The following PIGG variants were observed in gnomAD, a reference collection of about 807,000 sequenced individuals.
The protein encoded by PIGG is GPI ethanolamine phosphate transferase 2, catalytic subunit.
Under a neutral mutation model 83.2 loss-of-function variants are expected in PIGG, and 70 were observed. That is an observed-to-expected ratio of 0.84 (90% CI 0.69 to 1.03). The LOEUF (loss-of-function observed/expected upper bound fraction) is 1.03, where lower values mean the gene tolerates loss of function less well. Ranked by LOEUF, PIGG falls within the 50% of genes least tolerant of loss-of-function variation. The pLI is 0.00. For missense variants in PIGG, 1,257 were observed against 1,233.6 expected (o/e 1.02, Z -0.28); for synonymous variants, 532 against 519.5 (o/e 1.02, Z -0.33).
chr4:523,707 G>C lies in PIGG; in HGVS notation c.1863G>C (p.Ala621=). 6.2e-7 allele frequency: 1 copy of C among 1,614,222 alleles called. No individual in the cohort carries two copies. Among genetic ancestry groups the C allele is most frequent in the Non-Finnish European group, 8.5e-7 (1 of 1,180,038 alleles). ...AAGGGCATGACGGGGCCACAGCAGC[G>C]TGGCAGGACGGGCCTGGCTGTGATG... ...VEQGHDGATA[A]WQDGPGCDVL... is the part of the protein sequence containing the mutation. The change falls in exon 9 of 13, where the codon GCG becomes GCC. Residue 621 remains alanine (A), a synonymous_variant. Coordinates refer to ENST00000453061, the MANE Select transcript of PIGG (RefSeq NM_001127178.3).
intron 2 of PIGG, among the ~76,000 whole-genome samples, chr4:503,874 A>G (rs1461671187): frequency 6.6e-6 from 1 of 152,004 alleles, no homozygotes; most frequent in Non-Finnish European, 1.5e-5. Flanking sequence ...ACACACACAC[A>G]CACACACACA....
chr4:511,860 T>C (rs565056067), intron 5 of PIGG, among the ~76,000 whole-genome samples: 1 of 152,330 alleles, frequency 6.6e-6, no homozygotes, highest in African/African-American at 2.4e-5. Flanking sequence ...GGAGTTTTGC[T>C]GACTGTAAGA....
In PIGG at chr4:528,023, T is replaced by C. The variant is rs1728133347; in HGVS notation, c.2261+793T>C. ...TGCAAAAAGGAACAACCAGGGTAAT[T>C]ATCCAGCAGCAATACAGTGATCCTC... On this transcript the variant is annotated intron_variant, in intron 10 of 12. Coordinates refer to ENST00000453061, the MANE Select transcript of PIGG (RefSeq NM_001127178.3). This position sits in a 1 kb window ranked among gnomAD's most constrained non-coding sequence, Gnocchi z 4.8. The C allele has an allele frequency of 1.0e-6, 1 of 985,380 alleles. No individual in the cohort carries two copies. 61.0% of individuals were successfully genotyped at this position (985,380 alleles called of 1,614,324 possible).
intron 5 of PIGG, among the ~76,000 whole-genome samples, chr4:511,072 T>C (rs1443848868): frequency 1.1e-4 from 17 of 152,088 alleles, no homozygotes; most frequent in Admixed American, 1.1e-3. Context: ...GGTGGGTGGA[T>C]CACCTGAGAT....
chr4:518,579 C>T (rs971623720), intron 6 of PIGG, among the ~76,000 whole-genome samples: 4 of 152,078 alleles, frequency 2.6e-5, no homozygotes, highest in African/African-American at 9.7e-5. Context: ...GGTGACAGAG[C>T]GAGACTCCAT....
In PIGG at chr4:499,357, T is replaced by C. The variant is rs782146312; in HGVS notation, c.22T>C (p.Phe8Leu). MRLGSGT[F>L]ATCCVAIEVL... ...CACGATGCGGCTGGGCTCCGGGACT[T>C]TCGCTACCTGTTGCGTAGCGATCGA... Residue 8 changes from phenylalanine to leucine, a missense_variant, in exon 1 of 13, where the codon TTC (phenylalanine) becomes CTC (leucine). Transcript: ENST00000453061. The C allele has an allele frequency of 2.5e-6, 4 of 1,609,494 alleles. No homozygotes were observed. In the East Asian group the frequency reaches 8.9e-5, roughly 36 times the overall value.
chr4:505,880 G>T lies in PIGG; in HGVS notation c.523G>T (p.Val175Leu). The change falls in exon 3 of 13, where the codon GTG (valine) becomes TTG (leucine). Residue 175 changes from valine to leucine, a missense_variant. Val to Leu is a conservative substitution (Grantham distance 32). Transcript: ENST00000453061. The stretch of plus-strand genomic sequence containing the variant: ...GGTTAAATTATTCCCAAAGCATTTT[G>T]TGGAATATGATGGAACAACCTCATT... The part of the protein sequence containing the change: ...TWVKLFPKHF[V>L]EYDGTTSFFV... 1 of 1,613,268 alleles carries T rather than the reference G, an allele frequency of 6.2e-7. No homozygotes were observed.
At chr4:534,870 C>A (rs1304043080) in intron 12 of PIGG, among the ~76,000 whole-genome samples, 1 of 151,342 alleles carries the variant, frequency 6.6e-6, no homozygotes, top group Admixed American at 6.6e-5. Flanking sequence ...CCCCGGGGGA[C>A]CCCAGATCAA....
At chr4:502,805 G>A (rs12644335) in intron 2 of PIGG, among the ~76,000 whole-genome samples, 6 of 151,776 alleles carry the variant, frequency 4.0e-5, no homozygotes, top group African/African-American at 1.2e-4. Flanking sequence ...CACAAAAGAA[G>A]GGATGAAAAC....
At chr4:504,493 A>G (rs1385385919) in intron 2 of PIGG, among the ~76,000 whole-genome samples, 3 of 152,274 alleles carry the variant, frequency 2.0e-5, no homozygotes, top group Non-Finnish European at 4.4e-5. Flanking sequence ...ATTTTGGTGA[A>G]TTTCCAAAGT....
chr4:515,475 A>G lies in PIGG; in HGVS notation c.902-498A>G, dbSNP rs1723522834. Among the ~76,000 whole-genome samples, 4 of 152,184 alleles carry G rather than the reference A, an allele frequency of 2.6e-5. No homozygotes were observed. The highest frequency in any genetic ancestry group is 7.2e-5 in the African/African-American group (3 of 41,454). ...AACCTGCCTCATTCTGCGCTCCCCT[A>G]TAGAAGCACCCACAGCTGCCCAGGA... On this transcript the variant is annotated intron_variant, in intron 5 of 12. Transcript: ENST00000453061. This position sits in a 1 kb window ranked among gnomAD's most constrained non-coding sequence, Gnocchi z 4.2.
chr4:500,894 T>C (rs566803888), intron 2 of PIGG, among the ~76,000 whole-genome samples: 1 of 152,234 alleles, frequency 6.6e-6, no homozygotes, highest in Non-Finnish European at 1.5e-5. Flanking sequence ...GGTGACCTGC[T>C]TTCTTCTTTA....
chr4:523,940 G>A, intron 9 of PIGG, 27 bp downstream of exon 9: 2 of 1,426,792 alleles, frequency 1.4e-6, no homozygotes, highest in Non-Finnish European at 1.9e-6. Context: ...GTGGCCACAG[G>A]CCAGACTTTC....
At chr4:508,791 T>C (rs201277631) in intron 4 of PIGG, 38 bp from the exon 5 acceptor site, 236 of 1,605,930 alleles carry the variant, frequency 1.5e-4, no homozygotes, top group Non-Finnish European at 2.6e-5. Context: ...CTCTCTTCAG[T>C]CTGAACGCAG....
Position 539,610 on chromosome 4 carries a change from G to A in PIGG, c.*241G>A, listed in dbSNP as rs7668455. 0.19 allele frequency: 91,690 copies of A among 472,730 alleles called. 13,148 individuals are homozygous for A. The highest frequency in any genetic ancestry group is 0.56 in the African/African-American group (28,479 of 51,140). 29.3% of individuals were successfully genotyped at this position (472,730 alleles called of 1,614,324 possible). A position where few individuals can be genotyped will look rare whatever the true frequency, so the allele number is the denominator to read the frequency against. On this transcript the variant is annotated 3_prime_UTR_variant, in exon 13 of 13. Coordinates refer to ENST00000453061, the MANE Select transcript of PIGG (RefSeq NM_001127178.3). ...TAATTTCCTCTGAATAAGCTATGGTGTGACCCAAATATGTGTGTTTAAATC... is the reference window on the plus strand; with the variant it reads ...TAATTTCCTCTGAATAAGCTATGGTATGACCCAAATATGTGTGTTTAAATC...
At chr4:512,323 T>A (rs147283631) in intron 5 of PIGG, among the ~76,000 whole-genome samples, 2 of 148,796 alleles carry the variant, frequency 1.3e-5, no homozygotes, top group Admixed American at 1.3e-4. Context: ...GGGTTCAAGC[T>A]ATTCTCCTGC....
rs1728813650 is a variant in PIGG at position 530,618 on chromosome 4, C to T, written c.2444C>T (p.Pro815Leu). 5.6e-6 allele frequency: 9 copies of T among 1,613,410 alleles called. No homozygotes were observed. Among genetic ancestry groups the T allele is most frequent in the Admixed American group, 1.7e-5 (1 of 60,018 alleles). ...TTGCTCTTTAGACCACATAATCTTC[C>T]GGTCTTAGCATTTAGCCTCTTGATT... ...AALLFRPHNL[P>L]VLAFSLLIQT... Residue 815 changes from proline to leucine, a missense_variant, in exon 11 of 13, where the codon CCG (proline) becomes CTG (leucine). Transcript: ENST00000453061.
chr4:506,155 A>G (rs782632782), intron 3 of PIGG, among the ~76,000 whole-genome samples: 4 of 152,136 alleles, frequency 2.6e-5, no homozygotes, highest in Non-Finnish European at 5.9e-5. Flanking sequence ...CAAAGCTTAG[A>G]ACAGCTGAGT....
chr4:523,310 G>A, intron 8 of PIGG, 149 bp from the exon 9 acceptor site: 1 of 684,998 alleles, frequency 1.5e-6, no homozygotes, highest in South Asian at 1.8e-5. Context: ...GCAGAAGGGG[G>A]CTGTTCCAGA....
Sources: gnomAD v4.1 joint callset for allele counts (sites outside exome capture counted in the v4.1 genomes callset) on GRCh38, gnomAD v4.1.1 for gene constraint, Gnocchi (gnomAD v3.1) non-coding constraint, MANE v1.5 for transcripts, NCBI Gene and HGNC (gene_info 2026-07-23, HGNC 2026-07-21) for gene names.